ZNF362: variants seen among roughly 807,000 people sequenced by gnomAD.
The protein encoded by ZNF362 is rotund homolog.
Under a neutral mutation model 42.9 loss-of-function variants are expected in ZNF362, and 11 were observed. The ratio of observed to expected loss-of-function variants is 0.26; its 90% CI spans 0.16 to 0.42. The LOEUF is 0.42. Among genes scored for constraint, ZNF362 ranks in the 20% least tolerant of loss-of-function variants. ZNF362 has a pLI of 1.00. For missense variants in ZNF362, 362 were observed against 576.2 expected, an observed-to-expected ratio of 0.63 and a Z score of 3.81; for synonymous variants, 255 against 257.3, an observed-to-expected ratio of 0.99 and a Z score of 0.09.
chr1:33,174,334 A>G, the ZNF362 span, among the ~76,000 whole-genome samples: 1 of 152,002 alleles, frequency 6.6e-6, no homozygotes, highest in Non-Finnish European at 1.5e-5. Context: ...GGTGCATGAA[A>G]CCATGCCCAG....
At chr1:33,222,918 T>C in the ZNF362 span, among the ~76,000 whole-genome samples, 1 of 152,106 alleles carries the variant, frequency 6.6e-6, no homozygotes, top group African/African-American at 2.4e-5. Flanking sequence ...GCTGTTCTCT[T>C]GAGAGTGAAT....
At chr1:33,293,278 T>A (rs531580022) in intron 6 of ZNF362, among the ~76,000 whole-genome samples, 1 of 152,266 alleles carries the variant, frequency 6.6e-6, no homozygotes, top group African/African-American at 2.4e-5. Flanking sequence ...GTGGGGAGAC[T>A]TATCAGACAT....
the ZNF362 span, among the ~76,000 whole-genome samples, chr1:33,183,432 C>T: frequency 6.6e-6 from 1 of 152,224 alleles, no homozygotes; most frequent in Non-Finnish European, 1.5e-5. Context: ...ACAGCAGTTT[C>T]TCAACATTTT....
At chr1:33,197,087 T>C in the ZNF362 span, among the ~76,000 whole-genome samples, 1 of 152,222 alleles carries the variant, frequency 6.6e-6, no homozygotes, top group Non-Finnish European at 1.5e-5. Flanking sequence ...TCTTCTGTGC[T>C]GGATGCTTTC....
chr1:33,268,179 T>C (rs148797223), intron 1 of ZNF362, among the ~76,000 whole-genome samples: 133 of 152,252 alleles, frequency 8.7e-4, no homozygotes, highest in Non-Finnish European at 9.7e-4. Flanking sequence ...TTGGGTCAAT[T>C]AGGAAGACAG....
At chr1:33,232,141 C>G in the ZNF362 span, among the ~76,000 whole-genome samples, 1 of 152,184 alleles carries the variant, frequency 6.6e-6, no homozygotes, top group African/African-American at 2.4e-5. Context: ...TGATTATATT[C>G]CCCTTGCCAG....
chr1:33,152,431 G>T, the ZNF362 span, among the ~76,000 whole-genome samples: 675 of 152,320 alleles, frequency 4.4e-3, 8 homozygotes, highest in African/African-American at 0.016. Context: ...GCGGCGCATG[G>T]TGGCACATGC....
Position 33,300,100 on chromosome 1 carries a change from G to A in ZNF362, c.*1054G>A, listed in dbSNP as rs1419015060. On this transcript the variant is annotated 3_prime_UTR_variant, in exon 9 of 9. Transcript: ENST00000539719. ...CAATCTGAAAGCCATGCGTGTCGGT[G>A]TATATAGGAACCATGTACAGAGCCC... The A allele has an allele frequency of 2.0e-5, 3 of 152,478 alleles. No homozygotes were observed. Among genetic ancestry groups the A allele is most frequent in the Admixed American group, 2.0e-4 (3 of 15,262 alleles). The allele number at this position is 152,478 out of a possible 1,614,324, so 9.4% of individuals were successfully genotyped here. A position where few individuals can be genotyped will look rare whatever the true frequency, so the allele number is the denominator to read the frequency against.
At chr1:33,285,835 G>A (rs1284104972) in intron 6 of ZNF362, among the ~76,000 whole-genome samples, 2 of 152,174 alleles carry the variant, frequency 1.3e-5, no homozygotes, top group Non-Finnish European at 1.5e-5. Flanking sequence ...GGCCAAGGTG[G>A]GTGAATCACT....
the ZNF362 span, among the ~76,000 whole-genome samples, chr1:33,175,296 C>G: frequency 6.6e-6 from 1 of 151,848 alleles, no homozygotes. Flanking sequence ...CCTGCCTTGG[C>G]CTCCTGAAGT....
chr1:33,298,427 T>C (rs1289210180), intron 8 of ZNF362, among the ~76,000 whole-genome samples: 1 of 152,226 alleles, frequency 6.6e-6, no homozygotes, highest in Non-Finnish European at 1.5e-5. Flanking sequence ...GCTTGATCTT[T>C]GTCACCACAG....
At chr1:33,211,069 G>T in the ZNF362 span, among the ~76,000 whole-genome samples, 2 of 151,936 alleles carry the variant, frequency 1.3e-5, no homozygotes, top group African/African-American at 4.8e-5. Context: ...GAGTAGCTGG[G>T]ACTACAGGTG....
intron 4 of ZNF362, 58 bp downstream of exon 4, chr1:33,276,652 C>T (rs1438957568): frequency 1.7e-5 from 22 of 1,288,336 alleles, no homozygotes; most frequent in East Asian, 7.0e-5. Flanking sequence ...AGGGGGCGGG[C>T]GTAGCGGGGG....
At chr1:33,177,707 A>G in the ZNF362 span, among the ~76,000 whole-genome samples, 38 of 152,260 alleles carry the variant, frequency 2.5e-4, no homozygotes, top group South Asian at 7.9e-3. This position sits in a 1 kb window ranked among gnomAD's most constrained non-coding sequence, Gnocchi z 4.1. Flanking sequence ...TAATGGGTAG[A>G]GGCCAGGAAT....
chr1:33,150,596 G>A, the ZNF362 span, among the ~76,000 whole-genome samples: 1 of 152,244 alleles, frequency 6.6e-6, no homozygotes, highest in African/African-American at 2.4e-5. Context: ...ATAGAAGACG[G>A]GGAACCAAGA....
At chr1:33,247,441 C>T in the ZNF362 span, among the ~76,000 whole-genome samples, 143 of 152,354 alleles carry the variant, frequency 9.4e-4, 1 homozygote, top group Non-Finnish European at 5.0e-4. Context: ...TGCCCTAACG[C>T]TGGCGTTCTG....
the ZNF362 span, among the ~76,000 whole-genome samples, chr1:33,209,247 G>C: frequency 6.6e-6 from 1 of 152,324 alleles, no homozygotes; most frequent in Non-Finnish European, 1.5e-5. Context: ...TGTTGAACCA[G>C]ACTTGCATCC....
the ZNF362 span, among the ~76,000 whole-genome samples, chr1:33,189,009 C>T: frequency 3.3e-5 from 5 of 152,322 alleles, no homozygotes; most frequent in African/African-American, 1.2e-4. Context: ...ATCAGCTGAA[C>T]TGTTCACTAC....
intron 8 of ZNF362, 87 bp from the exon 9 acceptor site, chr1:33,298,843 C>A: frequency 1.7e-6 from 2 of 1,143,148 alleles, no homozygotes; most frequent in Non-Finnish European, 2.6e-6. Flanking sequence ...CTACCAAGAG[C>A]CCTCCAGTGG....
Sources: allele counts gnomAD v4.1 joint callset (sites outside exome capture counted in the v4.1 genomes callset), GRCh38; gene constraint gnomAD v4.1.1; non-coding constraint Gnocchi (gnomAD v3.1); transcripts MANE v1.5; gene names NCBI Gene and HGNC (gene_info 2026-07-23, HGNC 2026-07-21).